The following EDIL3 variants were observed in gnomAD, a reference collection of about 807,000 sequenced individuals.
EDIL3 encodes the protein EGF like and discoidin domains 3.
In EDIL3, 37 loss-of-function variants were observed where a neutral mutation model predicts 67.4. The observed-to-expected ratio is 0.55, with a 90% confidence interval of 0.42 to 0.72. The LOEUF (loss-of-function observed/expected upper bound fraction) is 0.72, where lower values mean the gene tolerates loss of function less well. EDIL3 is among the 30% of genes least tolerant of loss of function. The pLI, the probability that EDIL3 is intolerant of heterozygous loss-of-function variation, is 0.00. For synonymous variants in EDIL3, 195 were observed against 196.3 expected, an observed-to-expected ratio of 0.99 and a Z score of 0.05; for missense variants, 527 against 586.3, an observed-to-expected ratio of 0.90 and a Z score of 1.04.
intron 9 of EDIL3, among the ~76,000 whole-genome samples, chr5:83,969,777 G>A (rs571156754): frequency 6.6e-6 from 1 of 151,584 alleles, no homozygotes; most frequent in South Asian, 2.1e-4. Flanking sequence ...TTAAAAAATT[G>A]ATACATAATA....
chr5:83,977,335 G>GTAT (rs1744892287), intron 9 of EDIL3, among the ~76,000 whole-genome samples: 1 of 151,586 alleles, frequency 6.6e-6, no homozygotes, highest in Non-Finnish European at 1.5e-5. Context: ...AAATGTTGAT[G>GTAT]TATTCTATTT....
At chr5:84,272,553 T>A (rs1745498540) in intron 1 of EDIL3, among the ~76,000 whole-genome samples, 1 of 152,146 alleles carries the variant, frequency 6.6e-6, no homozygotes, top group East Asian at 1.9e-4. Context: ...ATATAATTCA[T>A]TTAATACACA....
intron 3 of EDIL3, among the ~76,000 whole-genome samples, chr5:84,194,192 T>A (rs1044168726): frequency 6.6e-6 from 1 of 151,948 alleles, no homozygotes; most frequent in Non-Finnish European, 1.5e-5. Flanking sequence ...AAATTATACA[T>A]GTTTTCATAT....
At chr5:84,289,580 AG>A (rs1745875015) in intron 1 of EDIL3, among the ~76,000 whole-genome samples, 1 of 152,146 alleles carries the variant, frequency 6.6e-6, no homozygotes, top group Non-Finnish European at 1.5e-5. Flanking sequence ...TCACCTAAAA[AG>A]GAACACCCAG....
At chr5:84,151,087 A>C (rs900010965) in intron 4 of EDIL3, among the ~76,000 whole-genome samples, 11 of 152,166 alleles carry the variant, frequency 7.2e-5, no homozygotes, top group African/African-American at 2.7e-4. Context: ...TAGTATCTTG[A>C]GTAAGATGAT....
intron 9 of EDIL3, among the ~76,000 whole-genome samples, chr5:84,042,470 T>C (rs528570034): frequency 6.6e-6 from 1 of 152,152 alleles, no homozygotes; most frequent in African/African-American, 2.4e-5. Context: ...TTAGTAGACA[T>C]GGGGTTTCAC....
intron 1 of EDIL3, among the ~76,000 whole-genome samples, chr5:84,371,205 T>C (rs1580107836): frequency 6.6e-6 from 1 of 150,820 alleles, no homozygotes; most frequent in South Asian, 2.1e-4. Context: ...GAGCATGAGT[T>C]ACTTGGATAA....
At chr5:84,073,967 CCAAAACAG>C (rs1207991532) in intron 6 of EDIL3, among the ~76,000 whole-genome samples, 2 of 151,484 alleles carry the variant, frequency 1.3e-5, no homozygotes, top group Non-Finnish European at 3.0e-5. Flanking sequence ...GCTACAGTAA[CCAAAACAG>C]CATGGTACTG....
intron 10 of EDIL3, among the ~76,000 whole-genome samples, chr5:83,954,329 C>T (rs928723121): frequency 2.0e-5 from 3 of 151,572 alleles, no homozygotes; most frequent in African/African-American, 7.3e-5. Context: ...TGTCAAAATG[C>T]GATCCTCAAT....
chr5:84,003,616 G>T (rs1745367726), intron 9 of EDIL3, among the ~76,000 whole-genome samples: 1 of 152,090 alleles, frequency 6.6e-6, no homozygotes, highest in Non-Finnish European at 1.5e-5. Context: ...ACTCCCCTTT[G>T]CAAATGCTAA....
intron 9 of EDIL3, among the ~76,000 whole-genome samples, chr5:84,020,640 C>T (rs943413820): frequency 3.2e-4 from 49 of 152,088 alleles, no homozygotes; most frequent in African/African-American, 1.2e-3. Flanking sequence ...CACATACACA[C>T]TTTGGTATTG....
In EDIL3 at chr5:83,983,400, G is replaced by A. The variant is rs116532123; in HGVS notation, c.1138-20040C>T. Among the ~76,000 whole-genome samples the A allele has an allele frequency of 9.3e-3, 1,416 of 152,164 alleles. 16 individuals carry two copies. Among genetic ancestry groups the A allele is most frequent in the African/African-American group, 0.033 (1,352 of 41,520 alleles). On this transcript the variant is annotated intron_variant, in intron 9 of 10. Transcript: ENST00000296591. ...GAAAGAGATTGGATCAGGAACAGAA[G>A]TTGAAGTTTGTTTTTAAAATATAGC...
intron 1 of EDIL3, among the ~76,000 whole-genome samples, chr5:84,259,889 A>AT: frequency 6.6e-6 from 1 of 152,186 alleles, no homozygotes; most frequent in Non-Finnish European, 1.5e-5. Flanking sequence ...AAAGCCTAAA[A>AT]TAGGTACCTT....
intron 3 of EDIL3, among the ~76,000 whole-genome samples, chr5:84,186,370 G>A (rs1743450529): frequency 1.3e-5 from 2 of 152,008 alleles, no homozygotes; most frequent in African/African-American, 4.8e-5. Context: ...TATTCATTAA[G>A]TACTCCTTAT....
chr5:84,237,625 G>C (rs1199045625), intron 2 of EDIL3, among the ~76,000 whole-genome samples: 1 of 151,862 alleles, frequency 6.6e-6, no homozygotes, highest in Non-Finnish European at 1.5e-5. Context: ...TTTGAATCAT[G>C]GTAGAAACAA....
At chr5:83,976,637 A>G (rs1744881218) in intron 9 of EDIL3, among the ~76,000 whole-genome samples, 2 of 151,784 alleles carry the variant, frequency 1.3e-5, no homozygotes, top group Admixed American at 1.3e-4. Flanking sequence ...TAATTAATAC[A>G]AAACCATCAC....
chr5:83,990,973 A>T (rs1047587375), intron 9 of EDIL3, among the ~76,000 whole-genome samples: 1 of 152,124 alleles, frequency 6.6e-6, no homozygotes, highest in Non-Finnish European at 1.5e-5. Flanking sequence ...TGAGGAATGG[A>T]TAGTGTAAGA....
At chr5:84,379,471 T>G (rs1230968412) in intron 1 of EDIL3, among the ~76,000 whole-genome samples, 1 of 152,170 alleles carries the variant, frequency 6.6e-6, no homozygotes, top group Admixed American at 6.5e-5. Flanking sequence ...ATTCATCTCT[T>G]TCCAGTGCAG....
intron 1 of EDIL3, among the ~76,000 whole-genome samples, chr5:84,347,395 A>G (rs1747258647): frequency 6.6e-6 from 1 of 152,226 alleles, no homozygotes; most frequent in Admixed American, 6.5e-5. Context: ...AGAATACCTA[A>G]TTAACATTTC....
Sources: allele counts gnomAD v4.1 joint callset (sites outside exome capture counted in the v4.1 genomes callset), GRCh38; gene constraint gnomAD v4.1.1; transcripts MANE v1.5; gene names NCBI Gene and HGNC (gene_info 2026-07-23, HGNC 2026-07-21).